The following RAPGEF5 variants were observed in gnomAD, a reference collection of about 807,000 sequenced individuals.
RAPGEF5 encodes M-Ras-regulated GEF.
In RAPGEF5, 65 loss-of-function variants were observed where a neutral mutation model predicts 125.2. The ratio of observed to expected loss-of-function variants is 0.52; its 90% CI spans 0.43 to 0.64. The LOEUF (loss-of-function observed/expected upper bound fraction) is 0.64, where lower values mean the gene tolerates loss of function less well. Ranked by LOEUF, RAPGEF5 falls within the 30% of genes least tolerant of loss-of-function variation. The pLI is 0.00. For missense variants in RAPGEF5, 958 were observed against 1,048.1 expected (o/e 0.91, Z 1.19); for synonymous variants, 391 against 385.9 (o/e 1.01, Z -0.16).
Position 22,119,348 on chromosome 7 carries a change from G to A in RAPGEF5, c.*3058C>T, listed in dbSNP as rs1392738930. ...CCACACTACCTGTTTGTGGTTCTCG[G>A]TCTAGGGAAATGAATTTATTCTAAA... On this transcript the variant is annotated 3_prime_UTR_variant, in exon 26 of 26. Transcript: ENST00000665637. The surrounding 1 kb of genome is among the most constrained non-coding windows in gnomAD (Gnocchi z 4.1). 1 of 152,150 alleles carries A rather than the reference G, an allele frequency of 6.6e-6. No individual in the cohort carries two copies. The highest frequency in any genetic ancestry group is 2.4e-5 in the African/African-American group (1 of 41,408). The allele number at this position is 152,150 out of a possible 1,614,324, so 9.4% of individuals were successfully genotyped here. A position where few individuals can be genotyped will look rare whatever the true frequency, so the allele number is the denominator to read the frequency against.
At chr7:22,349,322 GC>G (rs1404548470) in intron 1 of RAPGEF5, among the ~76,000 whole-genome samples, 7 of 151,258 alleles carry the variant, frequency 4.6e-5, no homozygotes, top group African/African-American at 1.7e-4. Context: ...TACTCAGGAG[GC>G]TGAGGCAGGA....
intron 25 of RAPGEF5, among the ~76,000 whole-genome samples, chr7:22,124,384 T>A (rs1472096062): frequency 6.6e-6 from 1 of 152,246 alleles, no homozygotes; most frequent in African/African-American, 2.4e-5. Context: ...ATTGCGCTTG[T>A]ATGCTTGATG....
intron 24 of RAPGEF5, among the ~76,000 whole-genome samples, chr7:22,126,327 A>T (rs1782744455): frequency 6.6e-6 from 1 of 152,164 alleles, no homozygotes; most frequent in Non-Finnish European, 1.5e-5. Context: ...CCTTTCTGAG[A>T]TGTCCCTCCT....
chr7:22,302,708 T>A (rs1783238872), intron 5 of RAPGEF5, among the ~76,000 whole-genome samples: 1 of 151,486 alleles, frequency 6.6e-6, no homozygotes, highest in African/African-American at 2.4e-5. Context: ...AAAAGTTAAC[T>A]AGAGAGACTT....
At chr7:22,272,274 C>T (rs568612667) in intron 6 of RAPGEF5, among the ~76,000 whole-genome samples, 5 of 137,742 alleles carry the variant, frequency 3.6e-5, no homozygotes, top group African/African-American at 1.1e-4. Flanking sequence ...ACCCGGGAGG[C>T]GGAGGTTGCA....
intron 5 of RAPGEF5, among the ~76,000 whole-genome samples, chr7:22,299,680 A>G (rs534970595): frequency 6.6e-6 from 1 of 152,254 alleles, no homozygotes; most frequent in Non-Finnish European, 1.5e-5. Context: ...CAGCTAGCAA[A>G]AAATTCTGTT....
intron 7 of RAPGEF5, among the ~76,000 whole-genome samples, chr7:22,240,965 C>T (rs1202051640): frequency 6.6e-6 from 1 of 152,194 alleles, no homozygotes; most frequent in Non-Finnish European, 1.5e-5. Context: ...GCCCCTCCAA[C>T]AAGCCCCAGA....
intron 8 of RAPGEF5, among the ~76,000 whole-genome samples, chr7:22,220,506 G>A (rs1458072132): frequency 1.3e-5 from 2 of 151,982 alleles, no homozygotes; most frequent in Non-Finnish European, 2.9e-5. Context: ...TTCACAATTG[G>A]GAAGTTACCA....
rs369371745 is a variant in RAPGEF5 at position 22,131,030 on chromosome 7, T to C, written c.2481+7A>G. 5.8e-6 allele frequency: 9 copies of C among 1,542,088 alleles called. No individual in the cohort carries two copies. The African/African-American group carries it at 8.2e-5, about 14-fold the overall frequency. ...TAAAAAAGGGAGAAGTAATGAAATTTACGTACCAGCTTTTCAAAATTGACA... is the reference window on the plus strand; with the variant it reads ...TAAAAAAGGGAGAAGTAATGAAATTCACGTACCAGCTTTTCAAAATTGACA... On this transcript the variant is annotated splice_region_variant and intron_variant, in intron 24 of 25. Coordinates refer to ENST00000665637, the MANE Select transcript of RAPGEF5 (RefSeq NM_012294.5).
chr7:22,324,546 TC>T (rs1783777806), intron 1 of RAPGEF5, among the ~76,000 whole-genome samples: 1 of 152,208 alleles, frequency 6.6e-6, no homozygotes, highest in African/African-American at 2.4e-5. Flanking sequence ...ATAAGTGAAC[TC>T]CCTTTGTACT....
rs372219816 is a variant in RAPGEF5, at chr7:22,308,560, G to C, written c.512-53C>G. On this transcript the variant is annotated intron_variant, in intron 4 of 25. Transcript: ENST00000665637. ...AATTTTTTAAAAGATATTACTCAGAGAGTAATAACTCAAATGATAAATTGA... is the reference window on the plus strand; with the variant it reads ...AATTTTTTAAAAGATATTACTCAGACAGTAATAACTCAAATGATAAATTGA... The C allele has an allele frequency of 8.5e-4, 1,133 of 1,328,036 alleles. 12 individuals carry two copies. The South Asian group carries it at 0.013, about 15-fold the overall frequency. 82.3% of individuals were successfully genotyped at this position (1,328,036 alleles called of 1,614,324 possible).
chr7:22,336,044 C>T (rs1229130193), intron 1 of RAPGEF5, among the ~76,000 whole-genome samples: 1 of 152,144 alleles, frequency 6.6e-6, no homozygotes, highest in Non-Finnish European at 1.5e-5. Context: ...TCCTAAGCAT[C>T]CCTTCCTTCC....
intron 6 of RAPGEF5, among the ~76,000 whole-genome samples, chr7:22,287,197 C>A: frequency 6.6e-6 from 1 of 152,188 alleles, no homozygotes; most frequent in East Asian, 1.9e-4. Context: ...GGAAAGATGG[C>A]TCTTCCCTGA....
chr7:22,271,424 G>A (rs78185782), intron 6 of RAPGEF5, among the ~76,000 whole-genome samples: 1,660 of 152,246 alleles, frequency 0.011, 32 homozygotes, highest in African/African-American at 0.038. Flanking sequence ...GTAAAGGAAC[G>A]TGGCCTTCAC....
intron 11 of RAPGEF5, among the ~76,000 whole-genome samples, chr7:22,167,872 T>G (rs1430547978): frequency 1.3e-5 from 2 of 152,210 alleles, no homozygotes. Context: ...GTATACAATA[T>G]GGAATTGCTA....
intron 5 of RAPGEF5, among the ~76,000 whole-genome samples, chr7:22,305,300 A>C (rs1180747517): frequency 1.3e-5 from 2 of 152,124 alleles, no homozygotes; most frequent in Non-Finnish European, 2.9e-5. Context: ...TCCACAATCA[A>C]CCTTTCTATT....
At chr7:22,193,041 C>A (rs1357564868) in intron 11 of RAPGEF5, 2 of 379,022 alleles carry the variant, frequency 5.3e-6, no homozygotes, top group Non-Finnish European at 9.5e-6. Flanking sequence ...CCTTGTATTT[C>A]TTTCCATTGA....
intron 5 of RAPGEF5, among the ~76,000 whole-genome samples, chr7:22,300,043 G>A (rs557566701): frequency 1.3e-5 from 2 of 149,464 alleles, no homozygotes; most frequent in East Asian, 2.0e-4. Context: ...GAAGCTTTTC[G>A]TCATTATTTA....
In RAPGEF5 at chr7:22,309,961, A is replaced by C; in HGVS notation, c.511+8T>G. The C allele has an allele frequency of 6.3e-7, 1 of 1,575,970 alleles. No individual in the cohort carries two copies. Among genetic ancestry groups the C allele is most frequent in the Admixed American group, 2.0e-5 (1 of 50,926 alleles). Reference sequence around the variant, plus strand: ...AATGATGCTGTGCCTTCAAGACATAATACTAACCTGATAACATAATTCCCA... The same window carrying C: ...AATGATGCTGTGCCTTCAAGACATACTACTAACCTGATAACATAATTCCCA... On this transcript the variant is annotated splice_region_variant and intron_variant, in intron 4 of 25. Coordinates refer to ENST00000665637, the MANE Select transcript of RAPGEF5 (RefSeq NM_012294.5).
Sources: gnomAD v4.1 joint callset for allele counts (sites outside exome capture counted in the v4.1 genomes callset) on GRCh38, gnomAD v4.1.1 for gene constraint, Gnocchi (gnomAD v3.1) non-coding constraint, MANE v1.5 for transcripts, NCBI Gene and HGNC (gene_info 2026-07-23, HGNC 2026-07-21) for gene names.